Variants in SERPINF1 observed in about 807,000 individuals in gnomAD.
The protein encoded by SERPINF1 is pigment epithelium-derived factor.
Under a neutral mutation model 37.3 loss-of-function variants are expected in SERPINF1, and 29 were observed. The ratio of observed to expected loss-of-function variants is 0.78; its 90% CI spans 0.58 to 1.06. SERPINF1 has a LOEUF of 1.06. Among genes scored for constraint, SERPINF1 ranks in the 50% least tolerant of loss-of-function variants. SERPINF1 has a pLI of 0.00. For synonymous variants in SERPINF1, 281 were observed against 227.9 expected, an observed-to-expected ratio of 1.23 and a Z score of -2.10; for missense variants, 553 against 532.2, an observed-to-expected ratio of 1.04 and a Z score of -0.38.
chr17:1,776,682 A>C lies in SERPINF1; in HGVS notation c.937A>C (p.Thr313Pro). The C allele has an allele frequency of 6.2e-7, 1 of 1,613,504 alleles. No individual in the cohort carries two copies. The highest frequency in any genetic ancestry group is 8.5e-7 in the Non-Finnish European group (1 of 1,179,722). ...ACTGAAGACCGTGCAGGCGGTCCTC[A>C]CTGTCCCCAAGCTGAAGCTGAGTTA... ...RELKTVQAVL[T>P]VPKLKLSYEG... Residue 313 changes from threonine (T) to proline (P), a missense_variant, in exon 7 of 8, where the codon ACT becomes CCT. Coordinates refer to ENST00000254722, the MANE Select transcript of SERPINF1 (RefSeq NM_002615.7).
At chr17:1,766,150 G>A (rs893195413) in intron 1 of SERPINF1, 6 of 152,368 alleles carry the variant, frequency 3.9e-5, no homozygotes, top group Non-Finnish European at 7.3e-5. Context: ...TATCACCGGA[G>A]TGGGTCAGCT....
chr17:1,769,510 G>C (rs1049637946), intron 2 of SERPINF1, among the ~76,000 whole-genome samples: 1 of 152,288 alleles, frequency 6.6e-6, no homozygotes, highest in South Asian at 2.1e-4. Context: ...TGTAATCCCA[G>C]CCATTTGGGA....
Position 1,771,095 on chromosome 17 carries a change from A to ACATC in SERPINF1, c.354_357dup (p.Gly120ProfsTer5). 2 of 1,614,078 alleles carry ACATC rather than the reference A, an allele frequency of 1.2e-6. No homozygotes were observed. The highest frequency in any genetic ancestry group is 1.7e-6 in the Non-Finnish European group (2 of 1,179,992). ...TACTATGACTTGATCAGCAGCCCAG[A>ACATC]CATCCATGGTACCTATAAGGAGCTC... On this transcript the variant is annotated frameshift_variant, in exon 4 of 8. Coordinates refer to ENST00000254722, the MANE Select transcript of SERPINF1 (RefSeq NM_002615.7). LOFTEE classifies it high-confidence loss of function.
intron 2 of SERPINF1, among the ~76,000 whole-genome samples, chr17:1,768,516 C>G (rs908326014): frequency 6.6e-6 from 1 of 151,798 alleles, no homozygotes; most frequent in African/African-American, 2.4e-5. Flanking sequence ...CTCCATCACC[C>G]ATGCTGGAGT....
At chr17:1,777,097 G>A in intron 7 of SERPINF1, 90 bp from the exon 8 acceptor site, 1 of 1,600,102 alleles carries the variant, frequency 6.2e-7, no homozygotes, top group Non-Finnish European at 8.6e-7. Flanking sequence ...CAACAGTGCT[G>A]CGCCATCCCA....
rs1908066797 is a variant in SERPINF1 at position 1,776,876 on chromosome 17, A to G, written c.997+134A>G. ...GGCCGTGGATGAGTCCTTAATCCTCATCGTGCCAGAAGGGAAGGCTGAACT... is the reference window on the plus strand; with the variant it reads ...GGCCGTGGATGAGTCCTTAATCCTCGTCGTGCCAGAAGGGAAGGCTGAACT... On this transcript the variant is annotated intron_variant, in intron 7 of 7. Coordinates refer to ENST00000254722, the MANE Select transcript of SERPINF1 (RefSeq NM_002615.7). 4.7e-6 allele frequency: 4 copies of G among 842,278 alleles called. No homozygotes were observed. The Admixed American group carries it at 6.7e-5, about 14-fold the overall frequency. 52.2% of individuals were successfully genotyped at this position (842,278 alleles called of 1,614,324 possible).
chr17:1,763,047 C>T (rs936537296), intron 1 of SERPINF1, among the ~76,000 whole-genome samples: 11 of 152,216 alleles, frequency 7.2e-5, no homozygotes, highest in Non-Finnish European at 2.9e-5. Context: ...TGCAACTCCA[C>T]GGCACCCTGG....
Position 1,777,434 on chromosome 17 carries a change from C to A in SERPINF1, c.1245C>A (p.Pro415=). The change falls in exon 8 of 8, where the codon CCC becomes CCA. Residue 415 remains proline (P), a synonymous_variant. Transcript: ENST00000254722. ...ALLFIGKILD[P]RGP Reference sequence around the variant, plus strand: ...TCTTCATTGGCAAGATTCTGGACCCCAGGGGCCCCTAATATCCCAGTTTAA... The same window carrying A: ...TCTTCATTGGCAAGATTCTGGACCCAAGGGGCCCCTAATATCCCAGTTTAA... 3.7e-6 allele frequency: 6 copies of A among 1,614,152 alleles called. No individual in the cohort carries two copies. Among genetic ancestry groups the A allele is most frequent in the Non-Finnish European group, 5.1e-6 (6 of 1,180,034 alleles).
At position 1,769,920 on chromosome 17, in the gene SERPINF1, G is replaced by A. The variant is rs935033274; in HGVS notation, c.153G>A (p.Val51=). 6.2e-7 allele frequency: 1 copy of A among 1,614,096 alleles called. No individual in the cohort carries two copies. Among genetic ancestry groups the A allele is most frequent in the African/African-American group, 1.3e-5 (1 of 74,928 alleles). ...EEEDPFFKVP[V]NKLAAAVSNF... ...AGGATCCTTTCTTCAAAGTCCCCGT[G>A]AACAAGCTGGCAGCGGCTGTCTCCA... The change falls in exon 3 of 8, where the codon GTG becomes GTA. Residue 51 remains valine, a synonymous_variant. Coordinates refer to ENST00000254722, the MANE Select transcript of SERPINF1 (RefSeq NM_002615.7).
Position 1,775,129 on chromosome 17 carries a change from G to C in SERPINF1, c.715G>C (p.Val239Leu), listed in dbSNP as rs376520683. The change falls in exon 6 of 8, where the codon GTG (valine) becomes CTG (leucine). Residue 239 changes from valine to leucine, a missense_variant. Val to Leu is a conservative substitution (Grantham distance 32, BLOSUM62 1). Coordinates refer to ENST00000254722, the MANE Select transcript of SERPINF1 (RefSeq NM_002615.7). Reference sequence around the variant, plus strand: ...TTTCTACTTGGATGAAGAGAGGACCGTGAGGGTCCCCATGATGTCGGACCC... The same window carrying C: ...TTTCTACTTGGATGAAGAGAGGACCCTGAGGGTCCCCATGATGTCGGACCC... ...EDFYLDEERT[V>L]RVPMMSDPKA... 5 of 1,613,848 alleles carry C rather than the reference G, an allele frequency of 3.1e-6. No individual in the cohort carries two copies. In the African/African-American group the frequency reaches 5.3e-5, roughly 17 times the overall value.
intron 5 of SERPINF1, 21 bp downstream of exon 5, chr17:1,772,096 T>C: frequency 6.2e-7 from 1 of 1,604,230 alleles, no homozygotes; most frequent in South Asian, 1.1e-5. Context: ...CTCCAATTCT[T>C]TTTCATTTAT....
chr17:1,770,985 C>T (rs769853227), intron 3 of SERPINF1, 44 bp from the exon 4 acceptor site: 4 of 1,612,722 alleles, frequency 2.5e-6, no homozygotes, highest in Non-Finnish European at 3.4e-6. Context: ...TGATTTGGGG[C>T]CCTGGTGTGC....
chr17:1,763,533 T>C (rs1907210367), intron 1 of SERPINF1, among the ~76,000 whole-genome samples: 1 of 152,204 alleles, frequency 6.6e-6, no homozygotes. Flanking sequence ...GCTCAGCCCA[T>C]GAGCAACCAC....
intron 7 of SERPINF1, among the ~76,000 whole-genome samples, chr17:1,776,974 T>C (rs1388164794): frequency 6.6e-6 from 1 of 151,440 alleles, no homozygotes; most frequent in East Asian, 2.0e-4. Flanking sequence ...ACACTGCCTC[T>C]CAAGACGAGT....
chr17:1,770,904 G>A, intron 3 of SERPINF1, 125 bp from the exon 4 acceptor site: 1 of 1,219,784 alleles, frequency 8.2e-7, no homozygotes, highest in Non-Finnish European at 1.2e-6. Context: ...AGATTGTCTT[G>A]AAGATCAGCC....
intron 1 of SERPINF1, 153 bp from the exon 2 acceptor site, chr17:1,766,750 G>T (rs1479088616): frequency 7.5e-6 from 5 of 669,770 alleles, no homozygotes; most frequent in African/African-American, 1.8e-5. Context: ...ACTTCTGGGG[G>T]CCTGGAGGGG....
intron 5 of SERPINF1, among the ~76,000 whole-genome samples, chr17:1,774,063 C>T (rs1036352904): frequency 6.6e-6 from 1 of 152,202 alleles, no homozygotes. Context: ...CCAGTTACTT[C>T]ACCTCTTTGG....
intron 2 of SERPINF1, among the ~76,000 whole-genome samples, chr17:1,768,367 G>C (rs1274341947): frequency 3.3e-5 from 5 of 149,578 alleles, no homozygotes; most frequent in Admixed American, 6.7e-5. Flanking sequence ...GGAGGTGGAG[G>C]TTGCAGTGAG....
intron 7 of SERPINF1, 73 bp downstream of exon 7, chr17:1,776,815 T>C: frequency 7.1e-7 from 1 of 1,405,244 alleles, no homozygotes; most frequent in Non-Finnish European, 1.0e-6. Context: ...TCCACTGTGC[T>C]AAGCAGAACG....
Sources: gnomAD v4.1 joint callset for allele counts (sites outside exome capture counted in the v4.1 genomes callset) on GRCh38, gnomAD v4.1.1 for gene constraint, MANE v1.5 for transcripts, NCBI Gene and HGNC (gene_info 2026-07-23, HGNC 2026-07-21) for gene names.